Variants in CLASP1 observed in about 807,000 individuals in gnomAD.
CLASP1 encodes the protein cytoplasmic linker associated protein 1, also known as CLIP-associating protein 1.
Under a neutral mutation model 192.3 loss-of-function variants are expected in CLASP1, and 38 were observed. The ratio of observed to expected loss-of-function variants is 0.20; its 90% CI spans 0.15 to 0.26. The LOEUF is 0.26. Among genes scored for constraint, CLASP1 ranks in the 10% least tolerant of loss-of-function variants. The pLI, the probability that CLASP1 is intolerant of heterozygous loss-of-function variation, is 1.00. For synonymous variants in CLASP1, 691 were observed against 712.8 expected (o/e 0.97, Z 0.49); for missense variants, 1,433 against 1,932.5 (o/e 0.74, Z 4.85).
chr2:121,510,452 T>A (rs1363916152), intron 7 of CLASP1, among the ~76,000 whole-genome samples: 4 of 152,172 alleles, frequency 2.6e-5, no homozygotes, highest in Admixed American at 2.6e-4. Flanking sequence ...ATAAAATGAC[T>A]AAATTCCTAC....
intron 1 of CLASP1, among the ~76,000 whole-genome samples, chr2:121,641,133 C>G (rs2071974310): frequency 6.6e-6 from 1 of 152,206 alleles, no homozygotes; most frequent in African/African-American, 2.4e-5. Flanking sequence ...CCCAGCTACT[C>G]TTCATTTAGG....
Position 121,495,960 on chromosome 2 carries a change from A to G in CLASP1, c.712+7207T>C, listed in dbSNP as rs924621813. On this transcript the variant is annotated intron_variant, in intron 8 of 39. Transcript: ENST00000263710. Reference sequence around the variant, plus strand: ...TACAGATGAGCAAATGTGGTTCACAAGAGTTAAGTCACTTGCCCAAAATCC... The same window carrying G: ...TACAGATGAGCAAATGTGGTTCACAGGAGTTAAGTCACTTGCCCAAAATCC... Among the ~76,000 whole-genome samples, 4 of 152,212 alleles carry G rather than the reference A, an allele frequency of 2.6e-5. No homozygotes were observed. In the East Asian group the frequency reaches 5.8e-4, roughly 22 times the overall value.
At chr2:121,388,882 G>C (rs1386184702) in intron 30 of CLASP1, among the ~76,000 whole-genome samples, 1 of 152,122 alleles carries the variant, frequency 6.6e-6, no homozygotes, top group Non-Finnish European at 1.5e-5. Context: ...AAAGACTGTA[G>C]TTTTTAAGAT....
At chr2:121,513,881 C>T (rs1203169556) in intron 7 of CLASP1, among the ~76,000 whole-genome samples, 1 of 152,192 alleles carries the variant, frequency 6.6e-6, no homozygotes, top group African/African-American at 2.4e-5. Context: ...ACACCCTCTG[C>T]CTGGCACTTA....
intron 8 of CLASP1, among the ~76,000 whole-genome samples, chr2:121,474,592 C>T (rs868385614): frequency 4.0e-4 from 61 of 152,172 alleles, no homozygotes; most frequent in African/African-American, 1.4e-3. Context: ...AAAAATTAGC[C>T]GGGCATGGTG....
chr2:121,572,778 C>G (rs538719278), intron 2 of CLASP1, among the ~76,000 whole-genome samples: 25 of 151,866 alleles, frequency 1.6e-4, no homozygotes, highest in Non-Finnish European at 3.2e-4. Flanking sequence ...AAAGTTAACC[C>G]CAGACTTCCA....
At chr2:121,592,380 AG>A (rs1461164677) in intron 2 of CLASP1, among the ~76,000 whole-genome samples, 1 of 152,218 alleles carries the variant, frequency 6.6e-6, no homozygotes, top group African/African-American at 2.4e-5. Flanking sequence ...CAAAATTATT[AG>A]GTTGCCTTAA....
intron 2 of CLASP1, among the ~76,000 whole-genome samples, chr2:121,577,657 G>C (rs1359317780): frequency 6.6e-6 from 1 of 152,150 alleles, no homozygotes; most frequent in Non-Finnish European, 1.5e-5. Context: ...AGGCAACAGG[G>C]TTCAAGTTTA....
chr2:121,531,524 G>A (rs1413379915), intron 2 of CLASP1, among the ~76,000 whole-genome samples: 2 of 151,510 alleles, frequency 1.3e-5, no homozygotes, highest in Non-Finnish European at 2.9e-5. Context: ...GAATCCGGGG[G>A]GGTGGAGCCT....
In CLASP1 at chr2:121,365,386, C is replaced by T; in HGVS notation, c.3887-102G>A. 2.7e-6 allele frequency: 3 copies of T among 1,097,100 alleles called. No homozygotes were observed. In the South Asian group the frequency reaches 4.3e-5, roughly 16 times the overall value. 68.0% of individuals were successfully genotyped at this position (1,097,100 alleles called of 1,614,324 possible). On this transcript the variant is annotated intron_variant, in intron 35 of 39. Transcript: ENST00000263710. ...ATCCTTCCCTTCCTGCCTCCTCTCC[C>T]AGAGGCGATGCCTCCTTCACGGTTC...
chr2:121,378,421 G>T (rs1215877676), intron 33 of CLASP1, among the ~76,000 whole-genome samples: 1 of 152,120 alleles, frequency 6.6e-6, no homozygotes, highest in East Asian at 1.9e-4. Context: ...TATAGACATT[G>T]GGCACAGCAA....
chr2:121,376,530 G>T (rs890560167), intron 34 of CLASP1, among the ~76,000 whole-genome samples: 2 of 151,832 alleles, frequency 1.3e-5, no homozygotes, highest in African/African-American at 4.8e-5. Flanking sequence ...AAGGGGTGGG[G>T]GGGGGGTCGG....
chr2:121,545,944 T>TAG (rs1460824592), intron 2 of CLASP1, among the ~76,000 whole-genome samples: 4 of 152,144 alleles, frequency 2.6e-5, no homozygotes, highest in Non-Finnish European at 1.5e-5. Flanking sequence ...ATTGGATTTA[T>TAG]AGTTCTATAG....
At chr2:121,427,876 G>C (rs970144989) in intron 20 of CLASP1, among the ~76,000 whole-genome samples, 1 of 151,970 alleles carries the variant, frequency 6.6e-6, no homozygotes, top group Non-Finnish European at 1.5e-5. Flanking sequence ...AATTATTAAG[G>C]GCCCTAAATC....
At chr2:121,630,445 A>G (rs2069318348) in intron 1 of CLASP1, among the ~76,000 whole-genome samples, 1 of 151,342 alleles carries the variant, frequency 6.6e-6, no homozygotes. Flanking sequence ...ATTATTCAGT[A>G]AATCTTCTGT....
chr2:121,358,418 A>C (rs1029242858), intron 37 of CLASP1, among the ~76,000 whole-genome samples: 2 of 152,234 alleles, frequency 1.3e-5, no homozygotes, highest in Non-Finnish European at 2.9e-5. Context: ...ATTATTTCCC[A>C]GTGCCCATTG....
chr2:121,426,322 A>G (rs1040082187), intron 21 of CLASP1, among the ~76,000 whole-genome samples: 20 of 152,242 alleles, frequency 1.3e-4, no homozygotes, highest in Admixed American at 6.5e-5. Flanking sequence ...ATAATTGTCC[A>G]TGAAGATCTA....
intron 2 of CLASP1, among the ~76,000 whole-genome samples, chr2:121,551,068 C>T (rs774526185): frequency 2.9e-4 from 44 of 152,284 alleles, no homozygotes; most frequent in South Asian, 1.0e-3. Context: ...GTTCAACATA[C>T]GCAAATCAAT....
intron 1 of CLASP1, among the ~76,000 whole-genome samples, chr2:121,620,103 T>C (rs974801357): frequency 6.6e-5 from 10 of 151,176 alleles, no homozygotes; most frequent in African/African-American, 2.4e-4. Context: ...ATGCCTGTAA[T>C]CCCAGCTACT....
Sources: allele counts gnomAD v4.1 joint callset (sites outside exome capture counted in the v4.1 genomes callset), GRCh38; gene constraint gnomAD v4.1.1; transcripts MANE v1.5; gene names NCBI Gene and HGNC (gene_info 2026-07-23, HGNC 2026-07-21).